WWC2: variants seen among roughly 807,000 people sequenced by gnomAD.
WWC2 encodes WW and C2 domain containing 2, also known as protein WWC2.
Under a neutral mutation model 138.5 loss-of-function variants are expected in WWC2, and 101 were observed. The ratio of observed to expected loss-of-function variants is 0.73; its 90% CI spans 0.62 to 0.86. WWC2 has a LOEUF of 0.86. Among genes scored for constraint, WWC2 ranks in the 40% least tolerant of loss-of-function variants. The pLI is 0.00. For synonymous variants in WWC2, 558 were observed against 538.4 expected (o/e 1.04, Z -0.50); for missense variants, 1,420 against 1,419.4 (o/e 1.00, Z -0.01).
At chr4:183,133,297 G>A (rs1419748930) in intron 1 of WWC2, among the ~76,000 whole-genome samples, 1 of 151,498 alleles carries the variant, frequency 6.6e-6, no homozygotes, top group Non-Finnish European at 1.5e-5. Context: ...TGGGACTATA[G>A]GAGCACACCC....
Position 183,245,435 on chromosome 4 carries a change from G to T in WWC2, c.622G>T (p.Gly208Ter). 6.4e-7 allele frequency: 1 copy of T among 1,559,322 alleles called. No individual in the cohort carries two copies. The highest frequency in any genetic ancestry group is 8.6e-7 in the Non-Finnish European group (1 of 1,161,058). The change falls in exon 6 of 23, where the codon GGA becomes TGA. Residue 208 changes from glycine (G) to a stop codon, truncating the protein, a stop_gained. Coordinates refer to ENST00000403733, the MANE Select transcript of WWC2 (RefSeq NM_024949.6). LOFTEE classifies it high-confidence loss of function. Reference protein sequence around the residue: ...TLQQIDKKMSGGQSGYELSEA... With the variant: ...TLQQIDKKMS ...TCACAGAATTGATAAAAAAATGTCT[G>T]GAGGCCAGAGCGGGTATGAACTCAG...
chr4:183,306,880 G>GAAAAAAAAAAAAAAAAA (rs1739038205), intron 21 of WWC2, among the ~76,000 whole-genome samples: 1 of 27,572 alleles, frequency 3.6e-5, no homozygotes, highest in African/African-American at 1.1e-4. Context: ...TATATATGAG[G>GAAAAAAAAAAAAAAAAA]CAAAAAAAAA....
intron 4 of WWC2, among the ~76,000 whole-genome samples, chr4:183,238,587 C>A (rs1169480435): frequency 6.6e-6 from 1 of 152,104 alleles, no homozygotes; most frequent in African/African-American, 2.4e-5. Context: ...TCTTTAAATT[C>A]CAGAGGTTTG....
chr4:183,247,648 C>CTATATATACTATATATACTATATATACTA (rs1436358243), intron 6 of WWC2, among the ~76,000 whole-genome samples: 2 of 128,580 alleles, frequency 1.6e-5, no homozygotes, highest in African/African-American at 6.7e-5. Context: ...ACTATATATA[C>CTATATATACTATATATACTATATATACTA]TATATACTAT....
intron 7 of WWC2, among the ~76,000 whole-genome samples, 166 bp downstream of exon 7, chr4:183,249,026 T>A (rs549586200): frequency 6.6e-6 from 1 of 152,086 alleles, no homozygotes; most frequent in Admixed American, 6.6e-5. Flanking sequence ...AGCCTTATCT[T>A]TTCTATCTAG....
intron 16 of WWC2, among the ~76,000 whole-genome samples, chr4:183,276,731 A>G (rs1330363949): frequency 2.0e-5 from 3 of 151,990 alleles, no homozygotes; most frequent in Non-Finnish European, 4.4e-5. Context: ...CTTCCATTTG[A>G]GACATTTTGC....
At chr4:183,205,456 A>G (rs1219040166) in intron 2 of WWC2, among the ~76,000 whole-genome samples, 1 of 151,832 alleles carries the variant, frequency 6.6e-6, no homozygotes, top group Non-Finnish European at 1.5e-5. Context: ...ACATTTCGAG[A>G]TCTGTTTCTA....
At chr4:183,160,733 A>G (rs1011245908) in intron 1 of WWC2, among the ~76,000 whole-genome samples, 4 of 152,256 alleles carry the variant, frequency 2.6e-5, no homozygotes, top group Admixed American at 6.5e-5. Context: ...TAGCTTCATC[A>G]TTCAGAAGTT....
chr4:183,139,480 T>G (rs72695794), intron 1 of WWC2, among the ~76,000 whole-genome samples: 3,720 of 152,318 alleles, frequency 0.024, 73 homozygotes, highest in Non-Finnish European at 0.037. Context: ...TCAGTAAATG[T>G]CAACAGCATT....
In WWC2 at chr4:183,320,008, G is replaced by A. The variant is rs140845770; in HGVS notation, c.*4279G>A. ...ACCCTGAGTTCAGCAGGCAAAGCCAGGAAGGAGTCAAAGTCCTTGCATTGC... is the reference window on the plus strand; with the variant it reads ...ACCCTGAGTTCAGCAGGCAAAGCCAAGAAGGAGTCAAAGTCCTTGCATTGC... On this transcript the variant is annotated 3_prime_UTR_variant, in exon 23 of 23. Transcript: ENST00000403733. The A allele has an allele frequency of 1.0e-4, 165 of 1,613,954 alleles. No homozygotes were observed. The African/African-American group carries it at 1.8e-3, about 18-fold the overall frequency.
chr4:183,269,860 A>C (rs1376766064), intron 15 of WWC2: 1 of 183,298 alleles, frequency 5.5e-6, no homozygotes, highest in South Asian at 1.2e-4. Flanking sequence ...TGTGAGTTTA[A>C]TACACTGTTG....
chr4:183,224,113 C>A (rs1580075773), intron 4 of WWC2, among the ~76,000 whole-genome samples: 1 of 152,218 alleles, frequency 6.6e-6, no homozygotes, highest in East Asian at 1.9e-4. Flanking sequence ...GAATTCCTCG[C>A]TGTCTGATTT....
chr4:183,141,509 C>CGTGGT (rs1561433492), intron 1 of WWC2, among the ~76,000 whole-genome samples: 1 of 152,172 alleles, frequency 6.6e-6, no homozygotes, highest in African/African-American at 2.4e-5. Context: ...CAGCACCCTA[C>CGTGGT]TACCACCCCA....
intron 4 of WWC2, among the ~76,000 whole-genome samples, chr4:183,237,787 C>T (rs181123591): frequency 6.6e-5 from 10 of 152,234 alleles, no homozygotes; most frequent in South Asian, 4.1e-4. Flanking sequence ...AGTATTACAC[C>T]GCTCTTGTCT....
At position 183,261,277 on chromosome 4, in the gene WWC2, C is replaced by CTT; in HGVS notation, c.1656_1657dup (p.Ser553PhefsTer39). Reference sequence around the variant, plus strand: ...GGCCTCCCTGTCCTCGAGGTCCTCCCTTTCCTCCTTGTCTCCTCCAGGCTC... The same window carrying CTT: ...GGCCTCCCTGTCCTCGAGGTCCTCCCTTTTTCCTCCTTGTCTCCTCCAGGCTC... On this transcript the variant is annotated frameshift_variant, in exon 11 of 23. Transcript: ENST00000403733. LOFTEE classifies it high-confidence loss of function. 1.9e-6 allele frequency: 3 copies of CTT among 1,613,522 alleles called. No individual in the cohort carries two copies. The highest frequency in any genetic ancestry group is 2.5e-6 in the Non-Finnish European group (3 of 1,179,706).
At chr4:183,144,258 G>A (rs527650201) in intron 1 of WWC2, among the ~76,000 whole-genome samples, 1 of 152,090 alleles carries the variant, frequency 6.6e-6, no homozygotes, top group African/African-American at 2.4e-5. Context: ...GTCTGAATCG[G>A]GGAGCTTTTG....
intron 1 of WWC2, among the ~76,000 whole-genome samples, chr4:183,192,272 A>T (rs1053047539): frequency 6.6e-6 from 1 of 152,360 alleles, no homozygotes; most frequent in African/African-American, 2.4e-5. Flanking sequence ...TTGCAGGGAG[A>T]GTACGTGAGG....
At chr4:183,236,053 G>A (rs1580089955) in intron 4 of WWC2, among the ~76,000 whole-genome samples, 1 of 152,170 alleles carries the variant, frequency 6.6e-6, no homozygotes, top group East Asian at 1.9e-4. Context: ...TAGGGGTCTA[G>A]ATTCATTCTT....
intron 1 of WWC2, among the ~76,000 whole-genome samples, chr4:183,123,984 T>G (rs1256244032): frequency 6.6e-6 from 1 of 152,200 alleles, no homozygotes. Context: ...ATTCGGAACG[T>G]TCATTCTTCT....
Sources: gnomAD v4.1 joint callset for allele counts (sites outside exome capture counted in the v4.1 genomes callset) on GRCh38, gnomAD v4.1.1 for gene constraint, MANE v1.5 for transcripts, NCBI Gene and HGNC (gene_info 2026-07-23, HGNC 2026-07-21) for gene names.